The following GDA variants were observed in gnomAD, a reference collection of about 807,000 sequenced individuals.
GDA encodes cytoplasmic PSD-95 interactor.
In GDA, 18 loss-of-function variants were observed where a neutral mutation model predicts 59.6. The ratio of observed to expected loss-of-function variants is 0.30; its 90% confidence interval spans 0.21 to 0.45. GDA has a LOEUF of 0.45. Ranked by LOEUF, GDA falls within the 20% of genes least tolerant of loss-of-function variation. The probability of loss-of-function intolerance (pLI) is 1.00; values close to 1 mark genes in which losing one functional copy is unlikely to be tolerated. For synonymous variants in GDA, 201 were observed against 201.1 expected (o/e 1.00, Z 0.00); for missense variants, 427 against 552.3 (o/e 0.77, Z 2.27).
chr9:72,161,795 GT>G, intron 1 of GDA, among the ~76,000 whole-genome samples: 1 of 152,314 alleles, frequency 6.6e-6, no homozygotes, highest in Non-Finnish European at 1.5e-5. Context: ...ATCCATCATA[GT>G]ACTTTACACA....
chr9:72,173,266 T>C (rs539493497), intron 1 of GDA, among the ~76,000 whole-genome samples: 4 of 152,244 alleles, frequency 2.6e-5, no homozygotes, highest in African/African-American at 9.6e-5. Context: ...TCCAAAGCCA[T>C]GAATGCAGCA....
chr9:72,207,195 T>C (rs1834830293), intron 3 of GDA, among the ~76,000 whole-genome samples: 1 of 152,206 alleles, frequency 6.6e-6, no homozygotes, highest in African/African-American at 2.4e-5. Flanking sequence ...AGAACTTCTG[T>C]CTTCCTTCTG....
At chr9:72,125,074 T>A (rs1825798793) in intron 1 of GDA, among the ~76,000 whole-genome samples, 1 of 152,238 alleles carries the variant, frequency 6.6e-6, no homozygotes, top group Non-Finnish European at 1.5e-5. Context: ...AAGGATTCTT[T>A]ATTAATGGCA....
At chr9:72,208,610 G>A (rs1835007485) in intron 3 of GDA, among the ~76,000 whole-genome samples, 1 of 152,072 alleles carries the variant, frequency 6.6e-6, no homozygotes, top group Admixed American at 6.6e-5. Flanking sequence ...GAATTACTTT[G>A]GATTACTCTT....
chr9:72,197,172 C>G (rs1564019302), intron 2 of GDA, among the ~76,000 whole-genome samples: 4 of 152,144 alleles, frequency 2.6e-5, no homozygotes, highest in Non-Finnish European at 4.4e-5. Flanking sequence ...CACTTTCCCT[C>G]TTTGAGGTCA....
intron 1 of GDA, among the ~76,000 whole-genome samples, chr9:72,118,129 G>A (rs1456485031): frequency 1.3e-5 from 2 of 151,572 alleles, no homozygotes; most frequent in African/African-American, 4.8e-5. Context: ...AAAATTAGGC[G>A]GGCATGGTGG....
At chr9:72,256,040 C>A (rs1840875437), downstream of GDA, among the ~76,000 whole-genome samples, 1 of 152,040 alleles carries the variant, frequency 6.6e-6, no homozygotes, top group African/African-American at 2.4e-5. Flanking sequence ...ATAATTTAAT[C>A]CAAAAGAAAT....
intron 10 of GDA, among the ~76,000 whole-genome samples, chr9:72,237,005 C>T (rs1481476844): frequency 6.6e-6 from 1 of 152,078 alleles, no homozygotes; most frequent in Non-Finnish European, 1.5e-5. Flanking sequence ...GTCTTGAACT[C>T]CTGACCTCAG....
At chr9:72,117,100 A>G (rs909715408) in intron 1 of GDA, among the ~76,000 whole-genome samples, 1 of 152,182 alleles carries the variant, frequency 6.6e-6, no homozygotes, top group African/African-American at 2.4e-5. Flanking sequence ...TACAAAGGAC[A>G]TGAACTCATC....
At chr9:72,218,119 G>A (rs903528500) in intron 5 of GDA, among the ~76,000 whole-genome samples, 4 of 152,038 alleles carry the variant, frequency 2.6e-5, no homozygotes, top group African/African-American at 9.7e-5. Flanking sequence ...TTGCTACATT[G>A]GCCAGGCTGA....
intron 1 of GDA, among the ~76,000 whole-genome samples, chr9:72,185,025 CAAATGA>C (rs924119565): frequency 6.6e-5 from 10 of 152,110 alleles, no homozygotes; most frequent in African/African-American, 2.4e-4. Context: ...GATTTTATAA[CAAATGA>C]AAATTACATA....
intron 10 of GDA, among the ~76,000 whole-genome samples, chr9:72,239,536 C>T (rs1452863009): frequency 6.6e-6 from 1 of 152,020 alleles, no homozygotes; most frequent in Non-Finnish European, 1.5e-5. Flanking sequence ...AGTCGTTACC[C>T]ATATATTATA....
chr9:72,209,847 G>A (rs2131419700), intron 3 of GDA, among the ~76,000 whole-genome samples: 1 of 152,258 alleles, frequency 6.6e-6, no homozygotes, highest in South Asian at 2.1e-4. Context: ...TTAGTCCCCT[G>A]CCAGGAGTTG....
intron 2 of GDA, 139 bp downstream of exon 2, chr9:72,195,727 G>A: frequency 2.8e-6 from 1 of 353,664 alleles, no homozygotes; most frequent in East Asian, 4.6e-5. Context: ...TTTGTTAAGG[G>A]AGGAGATGGG....
At chr9:72,175,311 G>C (rs1235020807) in intron 1 of GDA, among the ~76,000 whole-genome samples, 1 of 152,050 alleles carries the variant, frequency 6.6e-6, no homozygotes, top group East Asian at 1.9e-4. Context: ...GGATCACAGG[G>C]GTGAACCACC....
intron 6 of GDA, among the ~76,000 whole-genome samples, chr9:72,221,795 T>TGA (rs1473735060): frequency 1.3e-5 from 2 of 152,218 alleles, no homozygotes. Context: ...TACTTATAAG[T>TGA]GAGAACATGC....
At chr9:72,189,608 A>G (rs888470171) in intron 1 of GDA, among the ~76,000 whole-genome samples, 2 of 152,180 alleles carry the variant, frequency 1.3e-5, no homozygotes, top group African/African-American at 4.8e-5. Context: ...TGGGAAGCCA[A>G]GGCAGGAAGA....
intron 4 of GDA, among the ~76,000 whole-genome samples, chr9:72,212,665 C>A (rs2131453317): frequency 6.6e-6 from 1 of 152,172 alleles, no homozygotes. Context: ...AGGAATCAGT[C>A]CAAATCTTTC....
chr9:72,156,453 C>A (rs973451504), intron 1 of GDA, among the ~76,000 whole-genome samples: 1 of 152,192 alleles, frequency 6.6e-6, no homozygotes, highest in Non-Finnish European at 1.5e-5. Flanking sequence ...TGCTGTTGGT[C>A]CTGAGAAAGG....
Sources: allele counts gnomAD v4.1 joint callset (sites outside exome capture counted in the v4.1 genomes callset), GRCh38; gene constraint gnomAD v4.1.1; transcripts MANE v1.5; gene names NCBI Gene and HGNC (gene_info 2026-07-23, HGNC 2026-07-21).